PIK3AP1: variants seen among roughly 807,000 people sequenced by gnomAD.
PIK3AP1 encodes the protein phosphoinositide 3-kinase adapter protein 1.
PIK3AP1 carries 21 observed loss-of-function variants against 88.1 expected under a neutral mutation model. That is an observed-to-expected ratio of 0.24 (90% CI 0.17 to 0.34). The LOEUF (loss-of-function observed/expected upper bound fraction) is 0.34, where lower values mean the gene tolerates loss of function less well. Ranked by LOEUF, PIK3AP1 falls within the 10% of genes least tolerant of loss-of-function variation. PIK3AP1 has a pLI of 1.00. For synonymous variants in PIK3AP1, 398 were observed against 400.0 expected (o/e 1.00, Z 0.06); for missense variants, 828 against 1,035.7 (o/e 0.80, Z 2.75).
rs1293905675 is a variant in PIK3AP1 at position 96,720,447 on chromosome 10, C to T, written c.-53G>A. ...CTCGCTGCGTGCCCGGGGCCGGGAC[C>T]GGGGCCGGCGGCGTCCTGGCTCGGG... On this transcript the variant is annotated 5_prime_UTR_variant, in exon 1 of 17. Coordinates refer to ENST00000339364, the MANE Select transcript of PIK3AP1 (RefSeq NM_152309.3). This position sits in a 1 kb window ranked among gnomAD's most constrained non-coding sequence, Gnocchi z 4.6. The T allele has an allele frequency of 4.1e-6, 5 of 1,214,064 alleles. No individual in the cohort carries two copies. The highest frequency in any genetic ancestry group is 1.6e-5 in the African/African-American group (1 of 63,400). The allele number at this position is 1,214,064 out of a possible 1,614,324, so 75.2% of individuals were successfully genotyped here.
chr10:96,629,906 A>C (rs555722755), intron 8 of PIK3AP1, among the ~76,000 whole-genome samples: 339 of 26,438 alleles, frequency 0.013, 6 homozygotes, highest in Middle Eastern at 0.036. Context: ...TAACAACAAC[A>C]ACCAAAAAAA....
At chr10:96,609,933 C>G in intron 13 of PIK3AP1, 66 bp from the exon 14 acceptor site, 2 of 1,550,974 alleles carry the variant, frequency 1.3e-6, no homozygotes, top group African/African-American at 1.4e-5. Context: ...AGCTGCTCAG[C>G]AGCTTCCCTC....
At chr10:96,708,642 T>C (rs2134290107) in intron 2 of PIK3AP1, among the ~76,000 whole-genome samples, 1 of 149,822 alleles carries the variant, frequency 6.7e-6, no homozygotes, top group Non-Finnish European at 1.5e-5. Flanking sequence ...CTGTGATATG[T>C]GTCCATCCCA....
chr10:96,691,349 C>T (rs526219), intron 2 of PIK3AP1, among the ~76,000 whole-genome samples: 86,704 of 152,046 alleles, frequency 0.57, 26,331 homozygotes, highest in African/African-American at 0.8. Context: ...TCAAGATGCA[C>T]CTTAGAGCAA....
chr10:96,628,079 A>G (rs1373436281), intron 9 of PIK3AP1, among the ~76,000 whole-genome samples: 2 of 152,236 alleles, frequency 1.3e-5, no homozygotes, highest in African/African-American at 2.4e-5. Flanking sequence ...AACATCCAGA[A>G]CAGTGATTTG....
chr10:96,612,214 C>T (rs1849123520), intron 13 of PIK3AP1, among the ~76,000 whole-genome samples: 1 of 152,166 alleles, frequency 6.6e-6, no homozygotes, highest in South Asian at 2.1e-4. Context: ...CCACAGGACA[C>T]ACCCAGAACA....
At chr10:96,620,607 C>CACT in intron 11 of PIK3AP1, 50 bp from the exon 12 acceptor site, 1 of 1,503,158 alleles carries the variant, frequency 6.7e-7, no homozygotes, top group Non-Finnish European at 9.2e-7. Flanking sequence ...CTGGGGACCA[C>CACT]TCACCAGAAG....
chr10:96,693,939 T>C (rs1844187850), intron 2 of PIK3AP1, among the ~76,000 whole-genome samples: 1 of 152,230 alleles, frequency 6.6e-6, no homozygotes, highest in Non-Finnish European at 1.5e-5. Flanking sequence ...AAAAAATGAC[T>C]GCCCTGCCTG....
intron 1 of PIK3AP1, among the ~76,000 whole-genome samples, chr10:96,716,662 T>C (rs970742304): frequency 2.0e-5 from 3 of 152,240 alleles, no homozygotes; most frequent in African/African-American, 7.2e-5. Flanking sequence ...GGAAACTCCT[T>C]TCTTCAGCAA....
chr10:96,594,346 T>C lies in PIK3AP1; in HGVS notation c.*1231A>G, dbSNP rs1183440867. 1.3e-5 allele frequency: 2 copies of C among 152,264 alleles called. No individual in the cohort carries two copies. The highest frequency in any genetic ancestry group is 3.8e-4 in the East Asian group (2 of 5,202). The allele number at this position is 152,264 out of a possible 1,614,324, so 9.4% of individuals were successfully genotyped here. A position where few individuals can be genotyped will look rare whatever the true frequency, so the allele number is the denominator to read the frequency against. ...CATATAACCTATGCACATCCTCCTGTATGCTTTAAATCATTTCTAGATTTC... is the reference window on the plus strand; with the variant it reads ...CATATAACCTATGCACATCCTCCTGCATGCTTTAAATCATTTCTAGATTTC... On this transcript the variant is annotated 3_prime_UTR_variant, in exon 17 of 17. Coordinates refer to ENST00000339364, the MANE Select transcript of PIK3AP1 (RefSeq NM_152309.3). The surrounding 1 kb of genome is among the most constrained non-coding windows in gnomAD (Gnocchi z 4.6).
chr10:96,623,630 T>A, intron 10 of PIK3AP1, 93 bp from the exon 11 acceptor site: 1 of 1,098,846 alleles, frequency 9.1e-7, no homozygotes, highest in Non-Finnish European at 1.3e-6. Flanking sequence ...GACCACCGTA[T>A]GTGGTTCTGT....
chr10:96,680,449 T>A (rs1843984324), intron 2 of PIK3AP1, among the ~76,000 whole-genome samples: 1 of 152,146 alleles, frequency 6.6e-6, no homozygotes, highest in South Asian at 2.1e-4. Flanking sequence ...TCTGATCCTC[T>A]CCCTCCTCCC....
chr10:96,650,664 G>A (rs1843525092), intron 6 of PIK3AP1, among the ~76,000 whole-genome samples: 1 of 152,190 alleles, frequency 6.6e-6, no homozygotes, highest in Non-Finnish European at 1.5e-5. Flanking sequence ...TTTGGAGAAG[G>A]TCTTCTAGGG....
At chr10:96,684,392 C>T (rs915785951) in intron 2 of PIK3AP1, among the ~76,000 whole-genome samples, 13 of 152,220 alleles carry the variant, frequency 8.5e-5, no homozygotes, top group African/African-American at 3.1e-4. Context: ...AGTGGAACGG[C>T]AGTGGATGGC....
chr10:96,602,699 C>T (rs142377173), intron 15 of PIK3AP1, among the ~76,000 whole-genome samples: 4 of 152,278 alleles, frequency 2.6e-5, no homozygotes, highest in Non-Finnish European at 5.9e-5. Context: ...TTAGAAATGC[C>T]CACCCAAGGA....
chr10:96,610,864 G>A (rs552779262), intron 13 of PIK3AP1, among the ~76,000 whole-genome samples: 4 of 152,284 alleles, frequency 2.6e-5, no homozygotes, highest in East Asian at 1.9e-4. Context: ...AGACTCCCCC[G>A]GCTGCCTGGG....
chr10:96,709,740 G>A lies in PIK3AP1; in HGVS notation c.257C>T (p.Pro86Leu), dbSNP rs374337467. The change falls in exon 2 of 17, where the codon CCC becomes CTC. Residue 86 changes from proline to leucine, a missense_variant. Physicochemically the swap from Pro to Leu is moderately conservative, Grantham distance 98. Coordinates refer to ENST00000339364, the MANE Select transcript of PIK3AP1 (RefSeq NM_152309.3). The part of the protein sequence containing the change: ...VQHFHKPALL[P>L]LLQRAFHPPH... ...AGGATGGAAAGCTCTCTGCAGCAGGGGCAGCAAGGCGGGCTTGTGGAAGTG... is the reference window on the plus strand; with the variant it reads ...AGGATGGAAAGCTCTCTGCAGCAGGAGCAGCAAGGCGGGCTTGTGGAAGTG... 11 of 1,614,066 alleles carry A rather than the reference G, an allele frequency of 6.8e-6. No individual in the cohort carries two copies. The highest frequency in any genetic ancestry group is 1.7e-5 in the Admixed American group (1 of 60,020).
intron 2 of PIK3AP1, among the ~76,000 whole-genome samples, chr10:96,682,015 G>T (rs56093536): frequency 0.03 from 3,134 of 103,102 alleles, 50 homozygotes; most frequent in Non-Finnish European, 0.038. Flanking sequence ...TATATATATA[G>T]AGAGAGAGAG....
rs1844413491 is a variant in PIK3AP1 at position 96,709,748 on chromosome 10, G to A, written c.249C>T (p.Ala83=). The change falls in exon 2 of 17, where the codon GCC becomes GCT. Residue 83 remains alanine (A), a synonymous_variant. Coordinates refer to ENST00000339364, the MANE Select transcript of PIK3AP1 (RefSeq NM_152309.3). ...AELVQHFHKP[A]LLPLLQRAFH... ...AAGCTCTCTGCAGCAGGGGCAGCAA[G>A]GCGGGCTTGTGGAAGTGCTGCACCA... 6.2e-7 allele frequency: 1 copy of A among 1,613,950 alleles called. No homozygotes were observed. Among genetic ancestry groups the A allele is most frequent in the Non-Finnish European group, 8.5e-7 (1 of 1,179,966 alleles).
Sources: allele counts gnomAD v4.1 joint callset (sites outside exome capture counted in the v4.1 genomes callset), GRCh38; gene constraint gnomAD v4.1.1; non-coding constraint Gnocchi (gnomAD v3.1); transcripts MANE v1.5; gene names NCBI Gene and HGNC (gene_info 2026-07-23, HGNC 2026-07-21).